Variants in G3BP2 observed in about 807,000 individuals in gnomAD.
The protein encoded by G3BP2 is G3BP stress granule assembly factor 2, also known as ras GTPase-activating protein-binding protein 2.
In G3BP2, 11 loss-of-function variants were observed where a neutral mutation model predicts 56.7. That is an observed-to-expected ratio of 0.19 (90% CI 0.12 to 0.32). The LOEUF (loss-of-function observed/expected upper bound fraction) is 0.32. Ranked by LOEUF, G3BP2 falls within the 10% of genes least tolerant of loss-of-function variation. The pLI, the probability that G3BP2 is intolerant of heterozygous loss-of-function variation, is 1.00. For synonymous variants in G3BP2, 165 were observed against 191.6 expected (o/e 0.86, Z 1.15); for missense variants, 340 against 610.9 (o/e 0.56, Z 4.67).
chr4:75,721,404 G>A (rs994397081), intron 2 of G3BP2, among the ~76,000 whole-genome samples: 1 of 151,886 alleles, frequency 6.6e-6, no homozygotes, highest in African/African-American at 2.4e-5. Flanking sequence ...GAATACAGGC[G>A]CATGCCACCA....
rs1733666753 is a variant in G3BP2 at position 75,673,346 on chromosome 4, C to T, written c.-163G>A. 3 of 1,230,990 alleles carry T rather than the reference C, an allele frequency of 2.4e-6. No individual in the cohort carries two copies. The highest frequency in any genetic ancestry group is 3.0e-6 in the Non-Finnish European group (3 of 987,372). The allele number at this position is 1,230,990 out of a possible 1,614,324, so 76.3% of individuals were successfully genotyped here. On this transcript the variant is annotated 5_prime_UTR_variant, in exon 1 of 12. Coordinates refer to ENST00000359707, the MANE Select transcript of G3BP2 (RefSeq NM_203505.3). ...CTCGGAAGCCGGAGAGCCGCGAGTT[C>T]GTCTGCCTCACAACCACCTCTTCCC... is the stretch of plus-strand genomic sequence containing the variant.
intron 1 of G3BP2, among the ~76,000 whole-genome samples, chr4:75,662,742 C>T (rs932185387): frequency 6.6e-6 from 1 of 152,230 alleles, no homozygotes; most frequent in Admixed American, 6.5e-5. Flanking sequence ...CCCAGGAGGT[C>T]CAATGCTGCC....
intron 3 of G3BP2, among the ~76,000 whole-genome samples, chr4:75,714,415 T>C (rs531780469): frequency 6.6e-6 from 1 of 152,260 alleles, no homozygotes; most frequent in East Asian, 1.9e-4. Context: ...TCACGTGAGG[T>C]CAGGAGTTCG....
At chr4:75,696,160 T>A (rs898952339) in intron 3 of G3BP2, among the ~76,000 whole-genome samples, 1 of 151,934 alleles carries the variant, frequency 6.6e-6, no homozygotes, top group African/African-American at 2.4e-5. Flanking sequence ...CTTCAAAAGA[T>A]TTTTCAGAGA....
intron 3 of G3BP2, among the ~76,000 whole-genome samples, chr4:75,719,818 A>G (rs752098390): frequency 5.9e-5 from 9 of 151,834 alleles, no homozygotes; most frequent in Non-Finnish European, 1.3e-4. Context: ...CAAGCTCCCG[A>G]CCTCAGGTGA....
At chr4:75,712,932 T>C (rs1040915592) in intron 3 of G3BP2, among the ~76,000 whole-genome samples, 3 of 152,118 alleles carry the variant, frequency 2.0e-5, no homozygotes, top group Admixed American at 1.3e-4. Context: ...AAAGGAACTA[T>C]AGTATAGTGA....
intron 1 of G3BP2, among the ~76,000 whole-genome samples, chr4:75,668,814 T>C (rs745519129): frequency 1.3e-5 from 2 of 152,186 alleles, no homozygotes; most frequent in African/African-American, 4.8e-5. Flanking sequence ...CTACTCCTAC[T>C]GAATTCCTCA....
At chr4:75,695,049 T>TA (rs1277040695) in intron 3 of G3BP2, 1 of 412,998 alleles carries the variant, frequency 2.4e-6, no homozygotes, top group African/African-American at 2.2e-5. Context: ...TCAACCACTG[T>TA]AGATAGGAAC....
chr4:75,649,782 C>T (rs919670231), intron 8 of G3BP2, among the ~76,000 whole-genome samples: 2 of 151,888 alleles, frequency 1.3e-5, no homozygotes, highest in African/African-American at 2.4e-5. Context: ...GGCCAAGCTG[C>T]GCGGATCACC....
At chr4:75,665,957 T>C (rs1209372385) in intron 1 of G3BP2, among the ~76,000 whole-genome samples, 1 of 152,232 alleles carries the variant, frequency 6.6e-6, no homozygotes, top group Non-Finnish European at 1.5e-5. Flanking sequence ...TCTCTCTGGA[T>C]TTCCAGATTT....
At chr4:75,665,199 G>A (rs1732910158) in intron 1 of G3BP2, among the ~76,000 whole-genome samples, 1 of 152,038 alleles carries the variant, frequency 6.6e-6, no homozygotes, top group Non-Finnish European at 1.5e-5. Context: ...TATGTTTTTA[G>A]GTTCCTTGTT....
chr4:75,643,179 G>A lies in G3BP2; in HGVS notation c.*2251C>T, dbSNP rs948645168. The A allele has an allele frequency of 6.6e-6, 1 of 151,950 alleles. No homozygotes were observed. Among genetic ancestry groups the A allele is most frequent in the Non-Finnish European group, 1.5e-5 (1 of 67,830 alleles). The allele number at this position is 151,950 out of a possible 1,614,324, so 9.4% of individuals were successfully genotyped here. On this transcript the variant is annotated 3_prime_UTR_variant, in exon 12 of 12. Coordinates refer to ENST00000359707, the MANE Select transcript of G3BP2 (RefSeq NM_203505.3). ...TAATGTTTTATTCATGGTATGTAAAGACTGAAGCTGAATGGCTCTTTGCTC... is the reference window on the plus strand; with the variant it reads ...TAATGTTTTATTCATGGTATGTAAAAACTGAAGCTGAATGGCTCTTTGCTC...
chr4:75,683,177 A>T (rs1734148293), intron 3 of G3BP2, among the ~76,000 whole-genome samples: 1 of 152,060 alleles, frequency 6.6e-6, no homozygotes, highest in African/African-American at 2.4e-5. Context: ...AAACTGGGGG[A>T]TCTGGCTCCA....
At chr4:75,704,318 T>A (rs1028787980) in intron 3 of G3BP2, among the ~76,000 whole-genome samples, 7 of 151,874 alleles carry the variant, frequency 4.6e-5, no homozygotes, top group Non-Finnish European at 8.8e-5. Flanking sequence ...CCGGACCTGT[T>A]TGTTTGGTTT....
chr4:75,677,369 G>A (rs1055240159), upstream of G3BP2, among the ~76,000 whole-genome samples: 17 of 151,876 alleles, frequency 1.1e-4, no homozygotes, highest in Non-Finnish European at 4.4e-5. Flanking sequence ...TCAGGAGTTC[G>A]AGACCAGCCT....
chr4:75,675,921 C>T (rs1054101581), upstream of G3BP2, among the ~76,000 whole-genome samples: 3 of 152,168 alleles, frequency 2.0e-5, no homozygotes, highest in South Asian at 4.1e-4. Flanking sequence ...CTCTCTCTCT[C>T]GCATCCTTTA....
intron 1 of G3BP2, among the ~76,000 whole-genome samples, chr4:75,668,288 C>T (rs917607361): frequency 6.6e-6 from 1 of 152,212 alleles, no homozygotes; most frequent in African/African-American, 2.4e-5. Flanking sequence ...AGTTATCACT[C>T]TCCTTTCCTC....
chr4:75,705,491 C>T (rs1260240982), intron 3 of G3BP2, among the ~76,000 whole-genome samples: 7 of 152,140 alleles, frequency 4.6e-5, no homozygotes, highest in Admixed American at 3.3e-4. Flanking sequence ...AGATGTAAAG[C>T]TTATTTTGAA....
chr4:75,710,843 T>G (rs1719726478), intron 3 of G3BP2, among the ~76,000 whole-genome samples: 2 of 152,054 alleles, frequency 1.3e-5, no homozygotes, highest in South Asian at 4.1e-4. Context: ...ATTTTTTTTT[T>G]TAAGAGATGG....
Sources: gnomAD v4.1 joint callset for allele counts (sites outside exome capture counted in the v4.1 genomes callset) on GRCh38, gnomAD v4.1.1 for gene constraint, MANE v1.5 for transcripts, NCBI Gene and HGNC (gene_info 2026-07-23, HGNC 2026-07-21) for gene names.